Variants in LYPD6 observed in about 807,000 individuals in gnomAD.
The protein encoded by LYPD6 is ly6/PLAUR domain-containing protein 6.
LYPD6 carries 15 observed loss-of-function variants against 22.7 expected under a neutral mutation model. The observed-to-expected ratio is 0.66, with a 90% CI of 0.44 to 1.02. The LOEUF (loss-of-function observed/expected upper bound fraction) is 1.02, where lower values mean the gene tolerates loss of function less well. Ranked by LOEUF, LYPD6 falls within the 50% of genes least tolerant of loss-of-function variation. LYPD6 has a pLI of 0.00. For synonymous variants in LYPD6, 72 were observed against 77.5 expected (o/e 0.93, Z 0.37); for missense variants, 189 against 208.4 (o/e 0.91, Z 0.57).
intron 1 of LYPD6, among the ~76,000 whole-genome samples, chr2:149,413,493 A>G (rs1682896413): frequency 6.6e-6 from 1 of 152,184 alleles, no homozygotes; most frequent in Admixed American, 6.5e-5. Context: ...TCTGGCCCGA[A>G]ATTCTTTTAG....
intron 1 of LYPD6, among the ~76,000 whole-genome samples, chr2:149,433,017 CCTT>C (rs1355097931): frequency 1.3e-5 from 2 of 152,128 alleles, no homozygotes; most frequent in East Asian, 1.9e-4. Flanking sequence ...TTAAAACACT[CCTT>C]AAGTCCTACA....
chr2:149,420,170 T>G (rs1683048584), intron 1 of LYPD6, among the ~76,000 whole-genome samples: 1 of 152,118 alleles, frequency 6.6e-6, no homozygotes, highest in Non-Finnish European at 1.5e-5. Flanking sequence ...TTACTCACAG[T>G]CCAGATGTCA....
chr2:149,413,486 G>C (rs1426586795), intron 1 of LYPD6, among the ~76,000 whole-genome samples: 1 of 152,166 alleles, frequency 6.6e-6, no homozygotes, highest in Non-Finnish European at 1.5e-5. Context: ...CAGTTTATCT[G>C]GCCCGAAATT....
In LYPD6 at chr2:149,342,128, T is replaced by A. The variant is rs561305325; in HGVS notation, c.-72+11406T>A. On this transcript the variant is annotated intron_variant, in intron 1 of 4. Coordinates refer to ENST00000334166, the MANE Select transcript of LYPD6 (RefSeq NM_194317.5). Reference sequence around the variant, plus strand: ...TTGAGGGTATTCACAAAACAGACTCTAAGCCCTGAGTTGCCCATGACCTAG... The same window carrying A: ...TTGAGGGTATTCACAAAACAGACTCAAAGCCCTGAGTTGCCCATGACCTAG... Among the ~76,000 whole-genome samples the A allele has an allele frequency of 2.6e-4, 40 of 152,304 alleles. 3 individuals carry two copies. The highest frequency in any genetic ancestry group is 6.8e-3 in the Middle Eastern group (2 of 294).
chr2:149,330,313 C>T (rs1444645121), upstream of LYPD6: 2 of 151,832 alleles, frequency 1.3e-5, no homozygotes, highest in Admixed American at 6.6e-5. Context: ...GGCGGGAGCG[C>T]GGCGCCCGGG....
chr2:149,380,491 G>A (rs909826293), intron 1 of LYPD6, among the ~76,000 whole-genome samples: 5 of 152,178 alleles, frequency 3.3e-5, no homozygotes, highest in African/African-American at 1.2e-4. Context: ...GTGGGACAAA[G>A]TGTAGAGTCA....
intron 1 of LYPD6, among the ~76,000 whole-genome samples, chr2:149,356,477 A>C (rs976410252): frequency 6.6e-6 from 1 of 152,206 alleles, no homozygotes; most frequent in Non-Finnish European, 1.5e-5. Context: ...AAGTATGGCT[A>C]CTGGCCTCTT....
At chr2:149,409,392 G>A (rs556564995) in intron 1 of LYPD6, among the ~76,000 whole-genome samples, 21 of 152,254 alleles carry the variant, frequency 1.4e-4, no homozygotes, top group Non-Finnish European at 2.6e-4. Context: ...CTCCAGTCAG[G>A]AGGTGGAGCT....
At chr2:149,366,902 A>C (rs1049755880) in intron 1 of LYPD6, among the ~76,000 whole-genome samples, 1 of 152,166 alleles carries the variant, frequency 6.6e-6, no homozygotes, top group Admixed American at 6.5e-5. Flanking sequence ...ACACACTGTC[A>C]TGTGTGATTC....
At chr2:149,443,054 T>C (rs1683603698) in intron 2 of LYPD6, among the ~76,000 whole-genome samples, 1 of 152,220 alleles carries the variant, frequency 6.6e-6, no homozygotes, top group South Asian at 2.1e-4. Flanking sequence ...CATAGTATTT[T>C]AGTTCCCACT....
intron 1 of LYPD6, among the ~76,000 whole-genome samples, chr2:149,404,826 A>G (rs551217586): frequency 0.025 from 3,788 of 152,228 alleles, 147 homozygotes; most frequent in African/African-American, 0.085. Flanking sequence ...TTCAAAGGGA[A>G]TGCTTCCAGT....
intron 3 of LYPD6, among the ~76,000 whole-genome samples, chr2:149,457,016 C>T (rs946532495): frequency 6.6e-6 from 1 of 152,204 alleles, no homozygotes; most frequent in South Asian, 2.1e-4. Context: ...TTTATTCATT[C>T]TGTCGCTAAT....
intron 1 of LYPD6, among the ~76,000 whole-genome samples, chr2:149,429,101 C>T (rs992536561): frequency 3.3e-5 from 5 of 152,194 alleles, no homozygotes; most frequent in African/African-American, 4.8e-5. Context: ...CAATACCTCC[C>T]ACATTCTCAT....
chr2:149,376,258 T>G (rs1399830760), intron 1 of LYPD6, among the ~76,000 whole-genome samples: 1 of 152,214 alleles, frequency 6.6e-6, no homozygotes, highest in Non-Finnish European at 1.5e-5. Context: ...CTGTCTAACT[T>G]GGCAAGATTG....
At chr2:149,385,525 G>T (rs1011685809) in intron 1 of LYPD6, among the ~76,000 whole-genome samples, 2 of 152,276 alleles carry the variant, frequency 1.3e-5, no homozygotes, top group African/African-American at 4.8e-5. Flanking sequence ...AAAATTCAGG[G>T]ACTTAGCTGG....
chr2:149,433,726 A>G (rs1284537103), intron 1 of LYPD6, among the ~76,000 whole-genome samples: 4 of 152,138 alleles, frequency 2.6e-5, no homozygotes. Context: ...ACTATTCTCC[A>G]CAGAGGCCAA....
At chr2:149,361,226 G>A (rs906569468) in intron 1 of LYPD6, among the ~76,000 whole-genome samples, 12 of 152,158 alleles carry the variant, frequency 7.9e-5, no homozygotes, top group Admixed American at 5.9e-4. Context: ...AAAAGCGTGA[G>A]ACACAAGGGT....
intron 1 of LYPD6, among the ~76,000 whole-genome samples, chr2:149,335,755 G>A (rs1365342980): frequency 2.6e-5 from 4 of 151,940 alleles, no homozygotes; most frequent in African/African-American, 4.8e-5. Flanking sequence ...CTTTTATACC[G>A]TATTTTTATG....
chr2:149,330,343 G>A (rs1400789082), upstream of LYPD6: 1 of 151,192 alleles, frequency 6.6e-6, no homozygotes, highest in African/African-American at 2.4e-5. Flanking sequence ...TGCGCCGGGC[G>A]GTCGGCTCCC....
Sources: gnomAD v4.1 joint callset for allele counts (sites outside exome capture counted in the v4.1 genomes callset) on GRCh38, gnomAD v4.1.1 for gene constraint, MANE v1.5 for transcripts, NCBI Gene and HGNC (gene_info 2026-07-23, HGNC 2026-07-21) for gene names.